MECOM: variants seen among roughly 807,000 people sequenced by gnomAD.
MECOM encodes MDS1 and EVI1 complex locus, also known as histone-lysine N-methyltransferase MECOM.
Under a neutral mutation model 116.3 loss-of-function variants are expected in MECOM, and 13 were observed. That is an observed-to-expected ratio of 0.11 (90% CI 0.07 to 0.18). The LOEUF (loss-of-function observed/expected upper bound fraction) is 0.18. MECOM is among the 10% of genes least tolerant of loss of function. The pLI is 1.00. For missense variants in MECOM, 1,299 were observed against 1,509.0 expected, an observed-to-expected ratio of 0.86 and a Z score of 2.31; for synonymous variants, 528 against 535.2, an observed-to-expected ratio of 0.99 and a Z score of 0.19.
At chr3:169,090,895 C>T (rs1719498929) in intron 14 of MECOM, among the ~76,000 whole-genome samples, 2 of 151,898 alleles carry the variant, frequency 1.3e-5, no homozygotes, top group South Asian at 4.1e-4. Context: ...GTGGAAAAAG[C>T]TCAGGTATTA....
intron 1 of MECOM, among the ~76,000 whole-genome samples, chr3:169,483,115 A>G (rs1387774531): frequency 6.6e-6 from 1 of 152,132 alleles, no homozygotes; most frequent in Non-Finnish European, 1.5e-5. Context: ...CAAAACTACA[A>G]CTTAACATAT....
At chr3:169,162,234 C>G (rs1399722435) in intron 2 of MECOM, among the ~76,000 whole-genome samples, 3 of 152,106 alleles carry the variant, frequency 2.0e-5, no homozygotes, top group Non-Finnish European at 4.4e-5. Context: ...GCTTTTGACT[C>G]ACAGGTTGAA....
chr3:169,329,967 G>T (rs1250384990), intron 2 of MECOM, among the ~76,000 whole-genome samples: 1 of 152,218 alleles, frequency 6.6e-6, no homozygotes, highest in African/African-American at 2.4e-5. Flanking sequence ...GTCAGCAAAA[G>T]AAATATCTAA....
At chr3:169,195,231 T>C (rs1748261902) in intron 2 of MECOM, among the ~76,000 whole-genome samples, 1 of 152,086 alleles carries the variant, frequency 6.6e-6, no homozygotes, top group Admixed American at 6.6e-5. Flanking sequence ...AGATCCTGAA[T>C]ACCCCAGGTG....
At chr3:169,450,563 T>C (rs1194082410) in intron 1 of MECOM, among the ~76,000 whole-genome samples, 1 of 142,450 alleles carries the variant, frequency 7.0e-6, no homozygotes, top group Non-Finnish European at 1.5e-5. Flanking sequence ...AACAGCAGCT[T>C]ACATCTTCAG....
intron 2 of MECOM, among the ~76,000 whole-genome samples, chr3:169,246,284 G>A (rs969272756): frequency 1.3e-5 from 2 of 152,148 alleles, no homozygotes; most frequent in Non-Finnish European, 2.9e-5. Flanking sequence ...CATTGGGTCA[G>A]TAAGGTGGCT....
intron 2 of MECOM, among the ~76,000 whole-genome samples, chr3:169,275,849 T>G (rs1439098593): frequency 2.0e-5 from 3 of 152,310 alleles, no homozygotes; most frequent in Non-Finnish European, 4.4e-5. Context: ...CATAAGTAAA[T>G]ATGAAATTTC....
At chr3:169,435,710 A>G (rs767370193) in intron 1 of MECOM, among the ~76,000 whole-genome samples, 3 of 152,200 alleles carry the variant, frequency 2.0e-5, no homozygotes, top group Non-Finnish European at 4.4e-5. Flanking sequence ...TGTCTTCTGT[A>G]TCTTTGATTT....
At chr3:169,146,738 G>A in intron 2 of MECOM, 1 of 1,202,028 alleles carries the variant, frequency 8.3e-7, no homozygotes, top group Non-Finnish European at 1.1e-6. Flanking sequence ...GATTTCTATG[G>A]CCTCAACTCA....
At chr3:169,109,227 T>C (rs773746693) in intron 9 of MECOM, among the ~76,000 whole-genome samples, 4 of 152,170 alleles carry the variant, frequency 2.6e-5, no homozygotes, top group Non-Finnish European at 5.9e-5. Flanking sequence ...CAATCACATA[T>C]GCAGGGGAAG....
intron 1 of MECOM, among the ~76,000 whole-genome samples, chr3:169,407,583 G>A (rs904974624): frequency 3.3e-5 from 5 of 152,216 alleles, no homozygotes; most frequent in Non-Finnish European, 7.3e-5. Flanking sequence ...CATGTTGGCA[G>A]TCTTCTCAAG....
chr3:169,142,045 T>C (rs1173404160), intron 3 of MECOM, among the ~76,000 whole-genome samples: 1 of 151,970 alleles, frequency 6.6e-6, no homozygotes, highest in African/African-American at 2.4e-5. Context: ...AAAGCAACTA[T>C]GGTAAAATTA....
chr3:169,479,307 T>C (rs907314555), intron 1 of MECOM, among the ~76,000 whole-genome samples: 3 of 149,942 alleles, frequency 2.0e-5, no homozygotes, highest in African/African-American at 5.0e-5. Context: ...GAGACAGAGA[T>C]GAGCAGCAAC....
At chr3:169,203,676 A>G (rs554773229) in intron 2 of MECOM, among the ~76,000 whole-genome samples, 3 of 152,324 alleles carry the variant, frequency 2.0e-5, no homozygotes, top group Non-Finnish European at 4.4e-5. Flanking sequence ...ATATCTAAGT[A>G]AGAGTGTCAA....
intron 1 of MECOM, among the ~76,000 whole-genome samples, chr3:169,398,552 A>C (rs1735365045): frequency 6.6e-6 from 1 of 152,104 alleles, no homozygotes; most frequent in Admixed American, 6.5e-5. Context: ...GACCTCACAA[A>C]GTTCTTTTGT....
chr3:169,573,147 C>T (rs1010786004), intron 1 of MECOM, among the ~76,000 whole-genome samples: 7 of 152,190 alleles, frequency 4.6e-5, no homozygotes, highest in Admixed American at 2.6e-4. Context: ...CCCCCTCACC[C>T]TCTGCTTTCA....
chr3:169,263,089 A>G (rs1196067444), intron 2 of MECOM, among the ~76,000 whole-genome samples: 3 of 22,166 alleles, frequency 1.4e-4, no homozygotes, highest in African/African-American at 6.9e-4. Context: ...ATATATATAT[A>G]TATATATATA....
intron 2 of MECOM, among the ~76,000 whole-genome samples, chr3:169,264,917 A>C (rs1758071033): frequency 6.6e-6 from 1 of 152,126 alleles, no homozygotes; most frequent in Non-Finnish European, 1.5e-5. Flanking sequence ...TCTTGCCAAG[A>C]TCCTGGCTGG....
intron 2 of MECOM, among the ~76,000 whole-genome samples, chr3:169,277,792 T>C (rs1759791212): frequency 1.3e-5 from 2 of 152,190 alleles, no homozygotes; most frequent in South Asian, 4.1e-4. Context: ...AACTCTGCTC[T>C]AACTATTAAA....
Sources: allele counts gnomAD v4.1 joint callset (sites outside exome capture counted in the v4.1 genomes callset), GRCh38; gene constraint gnomAD v4.1.1; transcripts MANE v1.5; gene names NCBI Gene and HGNC (gene_info 2026-07-23, HGNC 2026-07-21).